The following DMD variants were observed in gnomAD, a reference collection of about 807,000 sequenced individuals.
The protein encoded by DMD is dystrophin.
In DMD, 63 loss-of-function variants were observed where a neutral mutation model predicts 330.1. The ratio of observed to expected loss-of-function variants is 0.19; its 90% confidence interval spans 0.16 to 0.24. The LOEUF is 0.24. Among genes scored for constraint, DMD ranks in the 10% least tolerant of loss-of-function variants. The pLI is 1.00. For synonymous variants in DMD, 1,223 were observed against 959.8 expected (o/e 1.27, Z -5.07); for missense variants, 3,344 against 2,684.1 (o/e 1.25, Z -5.43).
At chrX:31,817,841 C>G (rs773366924) in intron 50 of DMD, among the ~76,000 whole-genome samples, 1 of 111,929 alleles carries the variant, frequency 8.9e-6, no homozygotes, top group Non-Finnish European at 1.9e-5. Context: ...AATATTCCGT[C>G]ATCTTGTTCC....
At chrX:33,239,274 CAAAAAAAAA>C (rs558228818) in intron 1 of DMD, among the ~76,000 whole-genome samples, 3 of 31,369 alleles carry the variant, frequency 9.6e-5, no homozygotes, top group East Asian at 2.5e-3. Context: ...ACTCTGTCTC[CAAAAAAAAA>C]AAAAAAAAAA....
intron 2 of DMD, among the ~76,000 whole-genome samples, chrX:33,006,952 C>G (rs7877637): frequency 9.1e-6 from 1 of 109,980 alleles, no homozygotes; most frequent in Non-Finnish European, 1.9e-5. Context: ...TTTTAGTCCA[C>G]CAGCAAATCC....
rs768755974 is a variant in DMD, at chrX:32,407,867, G to T, written c.4233+3885C>A. Among the ~76,000 whole-genome samples the T allele has an allele frequency of 2.4e-3, 256 of 104,822 alleles. 2 individuals carry two copies. The highest frequency in any genetic ancestry group is 0.02 in the Middle Eastern group (4 of 198). The allele number at this position is 104,822 out of a possible 115,157, so 91.0% of individuals were successfully genotyped here. Reference sequence around the variant, plus strand: ...AAACCATCATTCTCAGCAAACTATCGCAAGGACAAAAAACCAAACACCGCA... The same window carrying T: ...AAACCATCATTCTCAGCAAACTATCTCAAGGACAAAAAACCAAACACCGCA... On this transcript the variant is annotated intron_variant, in intron 30 of 78. Transcript: ENST00000357033.
At chrX:32,056,626 A>G (rs2096177777) in intron 44 of DMD, among the ~76,000 whole-genome samples, 2 of 110,770 alleles carry the variant, frequency 1.8e-5, no homozygotes, top group African/African-American at 6.5e-5. Context: ...TTGAATCAGT[A>G]GTCCAAAACC....
chrX:32,709,754 C>T (rs2065012918), intron 7 of DMD, among the ~76,000 whole-genome samples: 1 of 111,650 alleles, frequency 9.0e-6, no homozygotes, highest in African/African-American at 3.3e-5. Context: ...TAAAGAAGCC[C>T]AACCCCTTTC....
intron 2 of DMD, among the ~76,000 whole-genome samples, chrX:32,891,732 C>CA (rs1445351178): frequency 2.7e-5 from 3 of 111,777 alleles, no homozygotes; most frequent in Non-Finnish European, 5.6e-5. Flanking sequence ...ATCTGTAAAT[C>CA]ACTACATTAT....
At chrX:31,356,924 C>CTTTTTTTTTTTTTTTTTTTTTTTTTTT (rs58097229) in intron 60 of DMD, among the ~76,000 whole-genome samples, 1 of 74,294 alleles carries the variant, frequency 1.3e-5, no homozygotes. Flanking sequence ...TTTCTTCTGC[C>CTTTTTTTTTTTTTTTTTTTTTTTTTTT]TTTTTTTTTT....
intron 1 of DMD, among the ~76,000 whole-genome samples, chrX:33,303,071 T>C (rs1355001705): frequency 8.9e-6 from 1 of 111,797 alleles, no homozygotes; most frequent in African/African-American, 3.3e-5. Context: ...TTCCTCTATG[T>C]GTTTTTCATG....
At chrX:32,151,689 A>G (rs2096804226) in intron 44 of DMD, among the ~76,000 whole-genome samples, 1 of 110,329 alleles carries the variant, frequency 9.1e-6, no homozygotes, top group African/African-American at 3.3e-5. Context: ...CAGATATTAC[A>G]GAGATACTCA....
At chrX:31,126,803 G>GAAAAAAAAAAAAAAAA (rs58738809) in intron 77 of DMD, 130 bp from the exon 78 acceptor site, 3 of 175,639 alleles carry the variant, frequency 1.7e-5, no homozygotes, top group East Asian at 2.3e-4. Flanking sequence ...TTCTCTGCTG[G>GAAAAAAAAAAAAAAAA]AAAAAAAAAA....
chrX:31,398,380 C>A (rs1032983758), intron 60 of DMD, among the ~76,000 whole-genome samples: 5 of 112,026 alleles, frequency 4.5e-5, no homozygotes, highest in Admixed American at 9.5e-5. Context: ...AAAGACATAG[C>A]GAGAGGGCCA....
chrX:32,471,979 T>A (rs747562524), intron 22 of DMD, among the ~76,000 whole-genome samples, 185 bp downstream of exon 22: 5 of 112,619 alleles, frequency 4.4e-5, no homozygotes, highest in African/African-American at 1.6e-4. Flanking sequence ...TATATGCCCA[T>A]ACATATATAT....
chrX:31,224,650 A>G (rs2046404622), intron 63 of DMD, among the ~76,000 whole-genome samples: 1 of 105,267 alleles, frequency 9.5e-6, no homozygotes, highest in Non-Finnish European at 1.9e-5. Context: ...ATATTTGCAC[A>G]GAATAAAAAA....
chrX:32,067,635 G>A (rs1725568964), intron 44 of DMD, among the ~76,000 whole-genome samples: 1 of 111,589 alleles, frequency 9.0e-6, no homozygotes, highest in Non-Finnish European at 1.9e-5. Flanking sequence ...ATGTTAATTT[G>A]CTTAGGATAA....
chrX:32,850,189 C>A (rs892727985), intron 2 of DMD, among the ~76,000 whole-genome samples: 1 of 111,390 alleles, frequency 9.0e-6, no homozygotes, highest in Non-Finnish European at 1.9e-5. Context: ...CACAATCTAC[C>A]TGGGTGGGTA....
At chrX:32,213,025 A>G (rs1338032094) in intron 44 of DMD, among the ~76,000 whole-genome samples, 1 of 112,293 alleles carries the variant, frequency 8.9e-6, no homozygotes, top group Non-Finnish European at 1.9e-5. Context: ...TGAAAAAAAT[A>G]TGATGCAATT....
chrX:32,387,856 T>C (rs1012441430), intron 32 of DMD, among the ~76,000 whole-genome samples: 2 of 111,652 alleles, frequency 1.8e-5, no homozygotes, highest in African/African-American at 6.5e-5. Flanking sequence ...ATGCTTTATT[T>C]TGATGAAGAA....
chrX:32,636,354 GA>G (rs1372653701), intron 11 of DMD, among the ~76,000 whole-genome samples: 1 of 111,807 alleles, frequency 8.9e-6, no homozygotes, highest in African/African-American at 3.3e-5. Flanking sequence ...AAATAGTTCA[GA>G]AAGAACCTAA....
At chrX:31,785,083 C>T (rs191525663) in intron 50 of DMD, among the ~76,000 whole-genome samples, 171 of 111,901 alleles carry the variant, frequency 1.5e-3, no homozygotes, top group African/African-American at 5.4e-3. Context: ...TAGGACACAA[C>T]GGAATATTAT....
Sources: gnomAD v4.1 joint callset for allele counts (sites outside exome capture counted in the v4.1 genomes callset) on GRCh38, gnomAD v4.1.1 for gene constraint, MANE v1.5 for transcripts, NCBI Gene and HGNC (gene_info 2026-07-23, HGNC 2026-07-21) for gene names.